The following EPHA2 variants were observed in gnomAD, a reference collection of about 807,000 sequenced individuals.
EPHA2 encodes EPH receptor A2.
In EPHA2, 54 loss-of-function variants were observed where a neutral mutation model predicts 104.9. That is an observed-to-expected ratio of 0.51 (90% CI 0.41 to 0.65). EPHA2 has a LOEUF of 0.65. Among genes scored for constraint, EPHA2 ranks in the 30% least tolerant of loss-of-function variants. The pLI is 0.00. For synonymous variants in EPHA2, 560 were observed against 559.1 expected (o/e 1.00, Z -0.02); for missense variants, 1,117 against 1,369.5 (o/e 0.82, Z 2.91).
chr1:16,149,683 C>T (rs1202137054), intron 2 of EPHA2, among the ~76,000 whole-genome samples: 1 of 152,182 alleles, frequency 6.6e-6, no homozygotes, highest in African/African-American at 2.4e-5. Context: ...AGGTGCCCCC[C>T]GCCACCCAAC....
Position 16,149,062 on chromosome 1 carries a change from T to A in EPHA2, c.154-15A>T, listed in dbSNP as rs770756630. The A allele has an allele frequency of 6.2e-6, 10 of 1,610,504 alleles. No individual in the cohort carries two copies. The highest frequency in any genetic ancestry group is 5.0e-5 in the Admixed American group (3 of 60,000). On this transcript the variant is annotated splice_polypyrimidine_tract_variant and intron_variant, in intron 2 of 16. Coordinates refer to ENST00000358432, the MANE Select transcript of EPHA2 (RefSeq NM_004431.5). Reference sequence around the variant, plus strand: ...ATCAGGTCCCACTGTGGGGGGAAGATACAGGTTAGTGTGGGCAGGTGCCTG... The same window carrying A: ...ATCAGGTCCCACTGTGGGGGGAAGAAACAGGTTAGTGTGGGCAGGTGCCTG...
intron 3 of EPHA2, among the ~76,000 whole-genome samples, chr1:16,142,236 A>G (rs1296616139): frequency 6.6e-6 from 1 of 152,212 alleles, no homozygotes; most frequent in Non-Finnish European, 1.5e-5. Flanking sequence ...ATGTTTACCA[A>G]ATAGAAATGG....
intron 5 of EPHA2, among the ~76,000 whole-genome samples, chr1:16,136,710 A>G (rs1392383746): frequency 1.1e-5 from 1 of 91,508 alleles, no homozygotes; most frequent in African/African-American, 1.4e-4. Flanking sequence ...AAGAAGAAGA[A>G]GAAAAGAAGA....
chr1:16,126,352 G>A (rs981395530), intron 16 of EPHA2, among the ~76,000 whole-genome samples: 1 of 152,168 alleles, frequency 6.6e-6, no homozygotes, highest in Non-Finnish European at 1.5e-5. Flanking sequence ...TTTATGGGCC[G>A]ACTTTTGGCT....
In EPHA2 at chr1:16,133,249, C is replaced by T. The variant is rs144342633; in HGVS notation, c.1984G>A (p.Gly662Ser). The T allele has an allele frequency of 3.9e-4, 637 of 1,613,832 alleles. No homozygotes were observed. Among genetic ancestry groups the T allele is most frequent in the Non-Finnish European group, 5.1e-4 (596 of 1,179,918 alleles). ...YTEKQRVDFL[G>S]EAGIMGQFSH... ...AACTGGCCCATGATGCCGGCCTCGCCGAGGAAGTCCACTCGCTGCTTCTCT... is the reference window on the plus strand; with the variant it reads ...AACTGGCCCATGATGCCGGCCTCGCTGAGGAAGTCCACTCGCTGCTTCTCT... The change falls in exon 11 of 17, where the codon GGC becomes AGC. Residue 662 changes from glycine to serine, a missense_variant. By Grantham distance (56) the Gly-to-Ser change is moderately conservative. This residue lies in a region of EPHA2 where 340 missense variants were observed against 480.5 expected (regional missense o/e 0.71). Transcript: ENST00000358432.
intron 1 of EPHA2, among the ~76,000 whole-genome samples, chr1:16,153,551 C>T (rs1236541482): frequency 6.6e-6 from 1 of 152,220 alleles, no homozygotes; most frequent in Admixed American, 6.5e-5. Flanking sequence ...TACCATGACA[C>T]CAACCACAAA....
In EPHA2 at chr1:16,130,889, C is replaced by T. The variant is rs2024559463; in HGVS notation, c.2476-470G>A. On this transcript the variant is annotated intron_variant, in intron 14 of 16. Transcript: ENST00000358432. The surrounding 1 kb of genome is among the most constrained non-coding windows in gnomAD (Gnocchi z 4.5). ...AAGCGATACTCCTGCCTCAGCCTCC[C>T]AAAGTGCTAGGATTACAGGCATGCG... 6.6e-6 allele frequency among the ~76,000 whole-genome samples: 1 copy of T among 152,168 alleles called. No homozygotes were observed. The highest frequency in any genetic ancestry group is 2.4e-5 in the African/African-American group (1 of 41,454).
At chr1:16,154,263 A>C (rs2025104373) in intron 1 of EPHA2, among the ~76,000 whole-genome samples, 1 of 152,098 alleles carries the variant, frequency 6.6e-6, no homozygotes. Context: ...GCGGATATTG[A>C]GGGTGGCAGA....
rs781055995 is a variant in EPHA2 at position 16,148,068 on chromosome 1, G to A, written c.823+310C>T. On this transcript the variant is annotated intron_variant, in intron 3 of 16. Coordinates refer to ENST00000358432, the MANE Select transcript of EPHA2 (RefSeq NM_004431.5). This position sits in a 1 kb window ranked among gnomAD's most constrained non-coding sequence, Gnocchi z 4.9. ...TTTTTGTGTTTTTGGTAGAGACGGC[G>A]TTTCATTATGTTGCCCAGGCTGGTC... Among the ~76,000 whole-genome samples, 61 of 152,000 alleles carry A rather than the reference G, an allele frequency of 4.0e-4. No individual in the cohort carries two copies. Among genetic ancestry groups the A allele is most frequent in the African/African-American group, 1.2e-3 (50 of 41,450 alleles).
At chr1:16,138,482 C>T (rs2124230017) in intron 3 of EPHA2, 52 bp from the exon 4 acceptor site, 1 of 1,611,368 alleles carries the variant, frequency 6.2e-7, no homozygotes, top group Non-Finnish European at 8.5e-7. Flanking sequence ...AATCTGCTTC[C>T]ACCCCACGTG....
rs1557505313 is a variant in EPHA2, at chr1:16,134,573, GGAA to G, written c.1583-9_1583-7del. 6.2e-7 allele frequency: 1 copy of G among 1,613,852 alleles called. No homozygotes were observed. The highest frequency in any genetic ancestry group is 1.7e-5 in the Admixed American group (1 of 60,002). On this transcript the variant is annotated splice_region_variant and splice_polypyrimidine_tract_variant and intron_variant, in intron 7 of 16. Coordinates refer to ENST00000358432, the MANE Select transcript of EPHA2 (RefSeq NM_004431.5). This position sits in a 1 kb window ranked among gnomAD's most constrained non-coding sequence, Gnocchi z 4.5. Reference sequence around the variant, plus strand: ...GTTGCCAGATCCCTCCGGGGCTGGTGGAAGAAATCAGCTGATGACAAGGGAGTT... The same window carrying G: ...GTTGCCAGATCCCTCCGGGGCTGGTGGAAATCAGCTGATGACAAGGGAGTT...
intron 2 of EPHA2, 125 bp from the exon 3 acceptor site, chr1:16,149,172 CTG>C: frequency 9.9e-7 from 1 of 1,012,652 alleles, no homozygotes; most frequent in Admixed American, 2.0e-5. Context: ...GTGAAGGAAA[CTG>C]AGGCCTGAGG....
chr1:16,154,905 G>A (rs866418873), intron 1 of EPHA2, among the ~76,000 whole-genome samples: 17 of 152,232 alleles, frequency 1.1e-4, no homozygotes, highest in African/African-American at 4.1e-4. Context: ...AAGCTGGCCT[G>A]GGCTGGGTGG....
intron 16 of EPHA2, among the ~76,000 whole-genome samples, chr1:16,129,145 G>C (rs919285760): frequency 4.0e-5 from 6 of 151,040 alleles, no homozygotes; most frequent in African/African-American, 1.5e-4. Flanking sequence ...TGCTCAAGCA[G>C]AGACGGCACA....
chr1:16,130,570 C>G lies in EPHA2; in HGVS notation c.2476-151G>C. 1 of 764,444 alleles carries G rather than the reference C, an allele frequency of 1.3e-6. No individual in the cohort carries two copies. Among genetic ancestry groups the G allele is most frequent in the South Asian group, 2.6e-5 (1 of 37,852 alleles). 47.4% of individuals were successfully genotyped at this position (764,444 alleles called of 1,614,324 possible). On this transcript the variant is annotated intron_variant, in intron 14 of 16. Transcript: ENST00000358432. This position sits in a 1 kb window ranked among gnomAD's most constrained non-coding sequence, Gnocchi z 4.5. ...GGCCTTTCTTGAGCTGCCACCCAAC[C>G]TTCAGAGCTGCCCAAAGGGCAAATG...
rs2024547609 is a variant in EPHA2, at chr1:16,130,242, C to G, written c.2653G>C (p.Ala885Pro). The change falls in exon 15 of 17, where the codon GCT becomes CCT. Residue 885 changes from alanine (A) to proline (P), a missense_variant. Ala to Pro is a conservative substitution (Grantham distance 27). This residue lies in a region of EPHA2 where 340 missense variants were observed against 480.5 expected (regional missense o/e 0.71). Transcript: ENST00000358432. This position sits in a 1 kb window ranked among gnomAD's most constrained non-coding sequence, Gnocchi z 4.5. ...IRAPDSLKTL[A>P]DFDPRVSIRL... ...AGAACTCACCGGGGGTCAAAGTCAGCCAGGGTCTTGAGGGAGTCAGGGGCA... is the reference window on the plus strand; with the variant it reads ...AGAACTCACCGGGGGTCAAAGTCAGGCAGGGTCTTGAGGGAGTCAGGGGCA... 6.2e-7 allele frequency: 1 copy of G among 1,614,008 alleles called. No homozygotes were observed. Among genetic ancestry groups the G allele is most frequent in the Non-Finnish European group, 8.5e-7 (1 of 1,180,008 alleles).
Position 16,156,000 on chromosome 1 carries a change from C to G in EPHA2, c.-68G>C. The G allele has an allele frequency of 4.5e-6, 6 of 1,336,564 alleles. No individual in the cohort carries two copies. Among genetic ancestry groups the G allele is most frequent in the South Asian group, 1.5e-5 (1 of 64,624 alleles). 82.8% of individuals were successfully genotyped at this position (1,336,564 alleles called of 1,614,324 possible). On this transcript the variant is annotated 5_prime_UTR_variant, in exon 1 of 17. Transcript: ENST00000358432. Reference sequence around the variant, plus strand: ...CCCGCACACCCGCACGCCTGCACGCCGGCCTCGGTGTCCGCTCCCGCCCGC... The same window carrying G: ...CCCGCACACCCGCACGCCTGCACGCGGGCCTCGGTGTCCGCTCCCGCCCGC...
At chr1:16,133,447 T>G in intron 10 of EPHA2, 34 bp downstream of exon 10, 1 of 1,614,000 alleles carries the variant, frequency 6.2e-7, no homozygotes, top group Middle Eastern at 1.6e-4. Flanking sequence ...CACCGCTGCC[T>G]CCTCAGGGCC....
rs139064351 is a variant in EPHA2, at chr1:16,148,694, G to A, written c.507C>T (p.Ser169=). The A allele has an allele frequency of 5.7e-4, 922 of 1,612,280 alleles. 5 individuals are homozygous for A. The African/African-American group carries it at 8.3e-3, about 14-fold the overall frequency. ...RHVKLNVEER[S]VGPLTRKGFY... ...AGCCTTTGCGGGTGAGCGGCCCCAC[G>A]GAGCGCTCCTCCACGTTCAGCTTCA... is the stretch of plus-strand genomic sequence containing the variant. Residue 169 remains serine, a synonymous_variant, in exon 3 of 17, where the codon TCC becomes TCT. Coordinates refer to ENST00000358432, the MANE Select transcript of EPHA2 (RefSeq NM_004431.5). This position sits in a 1 kb window ranked among gnomAD's most constrained non-coding sequence, Gnocchi z 4.9.
Sources: gnomAD v4.1 joint callset for allele counts (sites outside exome capture counted in the v4.1 genomes callset) on GRCh38, gnomAD v4.1.1 for gene constraint, gnomAD v4.1.1 regional missense constraint, Gnocchi (gnomAD v3.1) non-coding constraint, MANE v1.5 for transcripts, NCBI Gene and HGNC (gene_info 2026-07-23, HGNC 2026-07-21) for gene names.